Variants in SLC5A1 observed in about 807,000 individuals in gnomAD.
The protein encoded by SLC5A1 is sodium/glucose cotransporter 1.
A neutral mutation model predicts 73.5 loss-of-function variants in SLC5A1; 42 were observed. The ratio of observed to expected loss-of-function variants is 0.57; its 90% CI spans 0.45 to 0.74. The LOEUF (loss-of-function observed/expected upper bound fraction) is 0.74, where lower values mean the gene tolerates loss of function less well. Ranked by LOEUF, SLC5A1 falls within the 30% of genes least tolerant of loss-of-function variation. The probability of loss-of-function intolerance (pLI) is 0.00; values close to 1 mark genes in which losing one functional copy is unlikely to be tolerated. For synonymous variants in SLC5A1, 300 were observed against 317.4 expected (o/e 0.95, Z 0.58); for missense variants, 634 against 855.4 (o/e 0.74, Z 3.23).
chr22:32,084,312 C>T, intron 7 of SLC5A1, 127 bp from the exon 8 acceptor site: 1 of 803,462 alleles, frequency 1.2e-6, no homozygotes, highest in Non-Finnish European at 2.1e-6. Context: ...GTGATTTGCC[C>T]AAGGCCACTC....
At chr22:32,086,386 G>A in intron 10 of SLC5A1, 59 bp downstream of exon 10, 1 of 1,110,064 alleles carries the variant, frequency 9.0e-7, no homozygotes, top group Non-Finnish European at 1.4e-6. Flanking sequence ...TTGGGTTTAG[G>A]CACCACCTAC....
chr22:32,091,668 T>C lies in SLC5A1; in HGVS notation c.1186T>C (p.Ser396Pro). 6.2e-7 allele frequency: 1 copy of C among 1,614,062 alleles called. No homozygotes were observed. Among genetic ancestry groups the C allele is most frequent in the Non-Finnish European group, 8.5e-7 (1 of 1,179,982 alleles). Residue 396 changes from serine (S) to proline (P), a missense_variant, in exon 11 of 15, where the codon TCC becomes CCC. Coordinates refer to ENST00000266088, the MANE Select transcript of SLC5A1 (RefSeq NM_000343.4). The part of the protein sequence containing the change: ...MLASLMSSLT[S>P]IFNSASTLFT... ...GGCCTCCCTCATGAGCTCCCTGACC[T>C]CCATCTTCAACAGCGCCAGCACCCT...
At chr22:32,109,124 T>C (rs2094051608) in intron 14 of SLC5A1, among the ~76,000 whole-genome samples, 1 of 152,082 alleles carries the variant, frequency 6.6e-6, no homozygotes. Context: ...CAGTGAGCTA[T>C]GATTACCCCA....
In SLC5A1 at chr22:32,068,552, C is replaced by T. The variant is rs1439640016; in HGVS notation, c.429C>T (p.Val143=). 1 of 1,613,960 alleles carries T rather than the reference C, an allele frequency of 6.2e-7. No homozygotes were observed. Among genetic ancestry groups the T allele is most frequent in the Admixed American group, 1.7e-5 (1 of 60,006 alleles). ...RKRFGGQRIQ[V]YLSLLSLLLY... ...GGTTTGGAGGCCAGCGGATCCAGGT[C>T]TACCTTTCCCTTCTGTCCCTGCTGC... Residue 143 remains valine, a synonymous_variant, in exon 5 of 15, where the codon GTC becomes GTT. Coordinates refer to ENST00000266088, the MANE Select transcript of SLC5A1 (RefSeq NM_000343.4).
At chr22:32,055,965 C>A (rs2093951141) in intron 2 of SLC5A1, among the ~76,000 whole-genome samples, 1 of 152,164 alleles carries the variant, frequency 6.6e-6, no homozygotes, top group Non-Finnish European at 1.5e-5. Flanking sequence ...TAGCCTCAAA[C>A]CAGACCTACT....
At chr22:32,080,280 G>T (rs1479029603) in intron 5 of SLC5A1, among the ~76,000 whole-genome samples, 6 of 152,094 alleles carry the variant, frequency 3.9e-5, no homozygotes, top group Non-Finnish European at 5.9e-5. Context: ...CTGGGCAGAG[G>T]GGAACTATGG....
intron 5 of SLC5A1, among the ~76,000 whole-genome samples, chr22:32,078,748 A>G (rs1250747109): frequency 6.6e-6 from 1 of 151,932 alleles, no homozygotes; most frequent in African/African-American, 2.4e-5. Flanking sequence ...AGATCAGGAG[A>G]TTGAGACCAT....
chr22:32,064,628 C>T (rs2093969472), intron 2 of SLC5A1, among the ~76,000 whole-genome samples: 1 of 152,164 alleles, frequency 6.6e-6, no homozygotes, highest in Non-Finnish European at 1.5e-5. Flanking sequence ...ACTCAAGTCC[C>T]AAATCTAGGA....
chr22:32,085,012 T>G lies in SLC5A1; in HGVS notation c.998T>G (p.Met333Arg), dbSNP rs1650646689. The part of the protein sequence containing the change: ...MPMFIMVMPG[M>R]ISRILYTEKI... ...ATGTTCATCATGGTGATGCCAGGAA[T>G]GATCAGCCGCATTCTGTACACAGGT... The change falls in exon 9 of 15, where the codon ATG (methionine) becomes AGG (arginine). Residue 333 changes from methionine to arginine, a missense_variant. Physicochemically the swap from Met to Arg is moderately conservative, Grantham distance 91 (BLOSUM62 -1). This residue lies in a region of SLC5A1 where 422 missense variants were observed against 626.1 expected (regional missense o/e 0.67). Transcript: ENST00000266088. 6.2e-7 allele frequency: 1 copy of G among 1,614,106 alleles called. No homozygotes were observed. Among genetic ancestry groups the G allele is most frequent in the Admixed American group, 1.7e-5 (1 of 60,004 alleles).
intron 11 of SLC5A1, among the ~76,000 whole-genome samples, chr22:32,098,473 G>A (rs1327345692): frequency 6.6e-6 from 1 of 152,146 alleles, no homozygotes; most frequent in Admixed American, 6.5e-5. Context: ...GAGAGGTTAA[G>A]AAATGTCTCC....
At chr22:32,052,506 G>C (rs1157181225) in intron 2 of SLC5A1, among the ~76,000 whole-genome samples, 1 of 152,160 alleles carries the variant, frequency 6.6e-6, no homozygotes, top group Non-Finnish European at 1.5e-5. Context: ...AGGGAACCAG[G>C]CAACTGGACA....
chr22:32,082,147 G>A (rs1367651236), intron 6 of SLC5A1, among the ~76,000 whole-genome samples, 176 bp downstream of exon 6: 2 of 152,214 alleles, frequency 1.3e-5, no homozygotes, highest in Admixed American at 1.3e-4. Flanking sequence ...AGTTATACAA[G>A]TGGTTTCAGA....
intron 2 of SLC5A1, among the ~76,000 whole-genome samples, chr22:32,050,793 T>C (rs28631458): frequency 4.6e-5 from 7 of 152,320 alleles, no homozygotes; most frequent in African/African-American, 1.4e-4. Flanking sequence ...TCAGCTTACA[T>C]AGGGATCTGG....
chr22:32,068,751 C>A, intron 5 of SLC5A1, 151 bp downstream of exon 5: 1 of 669,848 alleles, frequency 1.5e-6, no homozygotes. Flanking sequence ...CCTATTTCTG[C>A]ATCGAGGAGC....
chr22:32,065,742 T>C (rs541819401), intron 2 of SLC5A1, among the ~76,000 whole-genome samples: 3 of 152,358 alleles, frequency 2.0e-5, no homozygotes, highest in African/African-American at 7.2e-5. Context: ...GAACTTCTTC[T>C]GGCTAAGCCT....
intron 2 of SLC5A1, chr22:32,059,253 A>G: frequency 1.0e-6 from 1 of 985,478 alleles, no homozygotes; most frequent in Non-Finnish European, 1.2e-6. Context: ...TTTGAAGGCT[A>G]GAAGGTATTT....
intron 10 of SLC5A1, among the ~76,000 whole-genome samples, chr22:32,088,739 C>T (rs957563497): frequency 6.6e-6 from 1 of 152,204 alleles, no homozygotes; most frequent in East Asian, 1.9e-4. Flanking sequence ...ATCGATCACT[C>T]ATCCTTCTTG....
intron 5 of SLC5A1, among the ~76,000 whole-genome samples, chr22:32,071,269 T>C (rs1374804623): frequency 6.6e-6 from 1 of 152,086 alleles, no homozygotes; most frequent in African/African-American, 2.4e-5. Context: ...CTGGACAACA[T>C]GGCAAGACCC....
intron 11 of SLC5A1, among the ~76,000 whole-genome samples, chr22:32,094,354 T>C (rs1041456435): frequency 6.6e-6 from 1 of 152,204 alleles, no homozygotes; most frequent in African/African-American, 2.4e-5. Flanking sequence ...ACTGGCTTCA[T>C]AGAATGATTT....
Sources: gnomAD v4.1 joint callset for allele counts (sites outside exome capture counted in the v4.1 genomes callset) on GRCh38, gnomAD v4.1.1 for gene constraint, gnomAD v4.1.1 regional missense constraint, MANE v1.5 for transcripts, NCBI Gene and HGNC (gene_info 2026-07-23, HGNC 2026-07-21) for gene names.